Variants in ZDHHC14 observed in about 807,000 individuals in gnomAD.
The protein encoded by ZDHHC14 is zDHHC palmitoyltransferase 14.
In ZDHHC14, 16 loss-of-function variants were observed where a neutral mutation model predicts 47.7. That is an observed-to-expected ratio of 0.34 (90% CI 0.23 to 0.51). The LOEUF is 0.51. Ranked by LOEUF, ZDHHC14 falls within the 20% of genes least tolerant of loss-of-function variation. The probability of loss-of-function intolerance (pLI) is 0.97; values close to 1 mark genes in which losing one functional copy is unlikely to be tolerated. For missense variants in ZDHHC14, 515 were observed against 662.5 expected, an observed-to-expected ratio of 0.78 and a Z score of 2.44; for synonymous variants, 293 against 278.9, an observed-to-expected ratio of 1.05 and a Z score of -0.50.
At chr6:157,433,078 G>A (rs1218587448) in intron 1 of ZDHHC14, among the ~76,000 whole-genome samples, 2 of 152,238 alleles carry the variant, frequency 1.3e-5, no homozygotes, top group African/African-American at 2.4e-5. Flanking sequence ...TCTAATGAAC[G>A]TGTTACATGG....
chr6:157,677,339 A>T lies in ZDHHC14; in HGVS notation c.*4217A>T, dbSNP rs1295722106. The T allele has an allele frequency of 6.7e-6, 1 of 149,994 alleles. No individual in the cohort carries two copies. The highest frequency in any genetic ancestry group is 2.4e-5 in the African/African-American group (1 of 41,118). The allele number at this position is 149,994 out of a possible 1,614,324, so 9.3% of individuals were successfully genotyped here. On this transcript the variant is annotated 3_prime_UTR_variant, in exon 9 of 9. Transcript: ENST00000359775. ...ATCATTGAAATATTAAACGATCTGA[A>T]GCGTCTTTTTTTTTTTCAAATAAAT...
At chr6:157,566,306 G>T (rs192176134) in intron 2 of ZDHHC14, among the ~76,000 whole-genome samples, 4 of 152,264 alleles carry the variant, frequency 2.6e-5, no homozygotes. Context: ...ACTGTCATTT[G>T]CCAGGCTGGG....
At chr6:157,608,765 A>T (rs1784644203) in intron 3 of ZDHHC14, among the ~76,000 whole-genome samples, 1 of 152,206 alleles carries the variant, frequency 6.6e-6, no homozygotes. Flanking sequence ...TGCATGCTTC[A>T]AAAAGTGTCC....
intron 1 of ZDHHC14, among the ~76,000 whole-genome samples, chr6:157,395,327 ATT>A (rs566892431): frequency 1.9e-4 from 25 of 133,148 alleles, no homozygotes; most frequent in East Asian, 2.2e-4. Context: ...CACCTAGCTA[ATT>A]TTTTTTTTTT....
At chr6:157,670,086 C>T (rs1778728237) in intron 8 of ZDHHC14, among the ~76,000 whole-genome samples, 1 of 152,228 alleles carries the variant, frequency 6.6e-6, no homozygotes, top group African/African-American at 2.4e-5. Flanking sequence ...CGCCCGCAGC[C>T]TACACAGGCC....
Position 157,659,027 on chromosome 6 carries a change from A to T in ZDHHC14, c.1068+5400A>T, listed in dbSNP as rs551544673. On this transcript the variant is annotated intron_variant, in intron 8 of 8. Coordinates refer to ENST00000359775, the MANE Select transcript of ZDHHC14 (RefSeq NM_024630.3). Reference sequence around the variant, plus strand: ...AGATTTTTTACTTTTCCCTTGGGTCAGTCTCAGTGGTATGTGTCTTTCTAG... The same window carrying T: ...AGATTTTTTACTTTTCCCTTGGGTCTGTCTCAGTGGTATGTGTCTTTCTAG... Among the ~76,000 whole-genome samples, 45 of 152,014 alleles carry T rather than the reference A, an allele frequency of 3.0e-4. 1 individual carries two copies. Among genetic ancestry groups the T allele is most frequent in the African/African-American group, 9.2e-4 (38 of 41,470 alleles).
intron 1 of ZDHHC14, among the ~76,000 whole-genome samples, chr6:157,472,482 TAAGTG>T (rs1462184248): frequency 4.6e-5 from 7 of 151,694 alleles, no homozygotes; most frequent in African/African-American, 7.3e-5. Context: ...TAGTAAATAA[TAAGTG>T]GAGTGGAGTG....
chr6:157,388,918 G>A (rs1167058368), intron 1 of ZDHHC14, among the ~76,000 whole-genome samples: 1 of 152,180 alleles, frequency 6.6e-6, no homozygotes, highest in East Asian at 1.9e-4. Context: ...GTCACAGTCT[G>A]AGCTTGGTAA....
chr6:157,588,092 A>C (rs1783762690), intron 2 of ZDHHC14, among the ~76,000 whole-genome samples: 1 of 152,036 alleles, frequency 6.6e-6, no homozygotes, highest in African/African-American at 2.4e-5. Context: ...CCCTGTCTCT[A>C]CTAAAAAAAA....
At position 157,381,229 on chromosome 6, in the gene ZDHHC14, C is replaced by T; in HGVS notation, c.-793C>T. ...AGTGTCTGTGCTGTGTCCCCGCGGC[C>T]CTCCTCGCGCCGGGGCCGCTTCCTC... On this transcript the variant is annotated 5_prime_UTR_variant, in exon 1 of 9. Transcript: ENST00000359775. 6.6e-6 allele frequency: 1 copy of T among 150,804 alleles called. No homozygotes were observed. Among genetic ancestry groups the T allele is most frequent in the Non-Finnish European group, 1.5e-5 (1 of 67,652 alleles). The allele number at this position is 150,804 out of a possible 1,614,324, so 9.3% of individuals were successfully genotyped here.
At chr6:157,455,370 G>A in intron 1 of ZDHHC14, among the ~76,000 whole-genome samples, 1 of 152,226 alleles carries the variant, frequency 6.6e-6, no homozygotes, top group East Asian at 1.9e-4. Context: ...ACAAAAGCAG[G>A]GGAGGAAAGC....
At chr6:157,634,916 TA>T (rs1335986885) in intron 5 of ZDHHC14, among the ~76,000 whole-genome samples, 6 of 152,054 alleles carry the variant, frequency 3.9e-5, no homozygotes, top group African/African-American at 1.4e-4. Flanking sequence ...TTCTGCTCCG[TA>T]CGTGTCCCCT....
At chr6:157,667,995 A>G (rs183598004) in intron 8 of ZDHHC14, among the ~76,000 whole-genome samples, 1 of 152,318 alleles carries the variant, frequency 6.6e-6, no homozygotes, top group Admixed American at 6.5e-5. Flanking sequence ...GGAGATTTAG[A>G]TGGGTGACAC....
chr6:157,588,070 C>A (rs1434892413), intron 2 of ZDHHC14, among the ~76,000 whole-genome samples: 2 of 152,068 alleles, frequency 1.3e-5, no homozygotes, highest in Admixed American at 1.3e-4. Flanking sequence ...GCCTGGCCAA[C>A]ATATAGTGAA....
In ZDHHC14 at chr6:157,502,315, T is replaced by C. The variant is rs1280791692; in HGVS notation, c.246-40270T>C. On this transcript the variant is annotated intron_variant, in intron 1 of 8. Coordinates refer to ENST00000359775, the MANE Select transcript of ZDHHC14 (RefSeq NM_024630.3). The surrounding 1 kb of genome is among the most constrained non-coding windows in gnomAD (Gnocchi z 4.0). ...CATGTAAGCAAGGACACCGTGACTG[T>C]ATGTGAGCCAAAAGTGTCCCCATAC... is the stretch of plus-strand genomic sequence containing the variant. Among the ~76,000 whole-genome samples the C allele has an allele frequency of 6.6e-6, 1 of 152,180 alleles. No individual in the cohort carries two copies. Among genetic ancestry groups the C allele is most frequent in the Non-Finnish European group, 1.5e-5 (1 of 68,022 alleles).
At chr6:157,552,298 A>T (rs1329299435) in intron 2 of ZDHHC14, among the ~76,000 whole-genome samples, 1 of 152,060 alleles carries the variant, frequency 6.6e-6, no homozygotes, top group Non-Finnish European at 1.5e-5. Flanking sequence ...TGGGTTTTAG[A>T]AGGAAGCCAG....
rs1312553909 is a variant in ZDHHC14, at chr6:157,677,737, T to C, written c.*4615T>C. On this transcript the variant is annotated 3_prime_UTR_variant, in exon 9 of 9. Transcript: ENST00000359775. ...ATAAAGGTATGAATGAACAACTCTC[T>C]TACTTGCCCTCGATGTTTCAAGATG... The C allele has an allele frequency of 2.0e-5, 3 of 152,112 alleles. No homozygotes were observed. Among genetic ancestry groups the C allele is most frequent in the Non-Finnish European group, 2.9e-5 (2 of 68,036 alleles). The allele number at this position is 152,112 out of a possible 1,614,324, so 9.4% of individuals were successfully genotyped here.
chr6:157,471,001 G>A (rs371590350), intron 1 of ZDHHC14, among the ~76,000 whole-genome samples: 1 of 152,246 alleles, frequency 6.6e-6, no homozygotes, highest in African/African-American at 2.4e-5. Context: ...AGTCGTCTTC[G>A]GTAGTTAGTG....
intron 2 of ZDHHC14, among the ~76,000 whole-genome samples, chr6:157,559,339 G>A (rs986280088): frequency 1.3e-5 from 2 of 152,334 alleles, no homozygotes; most frequent in South Asian, 2.1e-4. Context: ...AGTCGGCCCC[G>A]CTTCCTGGCT....
Sources: allele counts gnomAD v4.1 joint callset (sites outside exome capture counted in the v4.1 genomes callset), GRCh38; gene constraint gnomAD v4.1.1; non-coding constraint Gnocchi (gnomAD v3.1); transcripts MANE v1.5; gene names NCBI Gene and HGNC (gene_info 2026-07-23, HGNC 2026-07-21).